Variants in TNKS2 observed in about 807,000 individuals in gnomAD.
TNKS2 encodes the protein tankyrase 2.
Under a neutral mutation model 137.6 loss-of-function variants are expected in TNKS2, and 72 were observed. That is an observed-to-expected ratio of 0.52 (90% CI 0.43 to 0.64). The LOEUF (loss-of-function observed/expected upper bound fraction) is 0.64. TNKS2 is among the 30% of genes least tolerant of loss of function. The pLI is 0.00. For missense variants in TNKS2, 1,049 were observed against 1,410.2 expected (o/e 0.74, Z 4.10); for synonymous variants, 516 against 512.1 (o/e 1.01, Z -0.10).
Position 91,848,367 on chromosome 10 carries a change from C to T in TNKS2, c.2359-16C>T. On this transcript the variant is annotated splice_polypyrimidine_tract_variant and intron_variant, in intron 18 of 26. Coordinates refer to ENST00000371627, the MANE Select transcript of TNKS2 (RefSeq NM_025235.4). Reference sequence around the variant, plus strand: ...AACTTGCTTATGGCAGATGTTGTCTCTGACACGTACCCTAGGCGGATGATG... The same window carrying T: ...AACTTGCTTATGGCAGATGTTGTCTTTGACACGTACCCTAGGCGGATGATG... The T allele has an allele frequency of 6.2e-7, 1 of 1,607,156 alleles. No homozygotes were observed. The highest frequency in any genetic ancestry group is 8.5e-7 in the Non-Finnish European group (1 of 1,176,468).
chr10:91,802,403 T>A (rs1044735091), intron 1 of TNKS2, among the ~76,000 whole-genome samples: 2 of 151,966 alleles, frequency 1.3e-5, no homozygotes, highest in African/African-American at 4.8e-5. Flanking sequence ...GCTTTGGGAG[T>A]CAAAACTAAG....
At chr10:91,840,470 C>T (rs1228125245) in intron 13 of TNKS2, 91 bp from the exon 14 acceptor site, 3 of 1,165,152 alleles carry the variant, frequency 2.6e-6, no homozygotes, top group East Asian at 4.9e-5. Context: ...GAAAATAAGT[C>T]AGACACTTTG....
At position 91,859,612 on chromosome 10, in the gene TNKS2, C is replaced by G; in HGVS notation, c.3245C>G (p.Pro1082Arg). 6.2e-7 allele frequency: 1 copy of G among 1,612,804 alleles called. No homozygotes were observed. Among genetic ancestry groups the G allele is most frequent in the Non-Finnish European group, 8.5e-7 (1 of 1,179,598 alleles). Reference sequence around the variant, plus strand: ...GGAATTGGAGGAGGTACTGGGTGTCCAGTTCACAAAGACAGATCTTGTTAC... The same window carrying G: ...GGAATTGGAGGAGGTACTGGGTGTCGAGTTCACAAAGACAGATCTTGTTAC... ...VYGIGGGTGC[P>R]VHKDRSCYIC... The change falls in exon 25 of 27, where the codon CCA becomes CGA. Residue 1082 changes from proline to arginine, a missense_variant. Pro to Arg is a moderately radical substitution (Grantham distance 103, BLOSUM62 -2). Around this residue, in one of 6 missense-constraint regions of TNKS2, gnomAD observed 133 missense variants for 248.4 expected, o/e 0.54. Transcript: ENST00000371627.
intron 1 of TNKS2, among the ~76,000 whole-genome samples, chr10:91,804,404 CTG>C (rs917269373): frequency 4.6e-5 from 7 of 152,184 alleles, no homozygotes; most frequent in Non-Finnish European, 2.9e-5. Context: ...GATTCATACT[CTG>C]TGTATGGTTT....
chr10:91,862,988 G>A lies in TNKS2; in HGVS notation c.3490G>A (p.Val1164Ile). The stretch of plus-strand genomic sequence containing the variant: ...CCAGATTATGAGGCCTGAAGGTATG[G>A]TCGATGGATAAATAGTTATTTTAAG... Reference protein sequence around the residue: ...TYQIMRPEGMVDG With the variant: ...TYQIMRPEGMIDG The change falls in exon 27 of 27, where the codon GTC becomes ATC. Residue 1164 changes from valine to isoleucine, a missense_variant. By Grantham distance (29) the Val-to-Ile change is conservative. Around this residue, in one of 6 missense-constraint regions of TNKS2, gnomAD observed 133 missense variants for 248.4 expected, o/e 0.54. Transcript: ENST00000371627. The A allele has an allele frequency of 6.2e-7, 1 of 1,603,374 alleles. No homozygotes were observed. Among genetic ancestry groups the A allele is most frequent in the Non-Finnish European group, 8.5e-7 (1 of 1,172,190 alleles).
intron 1 of TNKS2, chr10:91,807,067 A>G (rs1844345269): frequency 1.5e-6 from 2 of 1,338,288 alleles, no homozygotes; most frequent in Non-Finnish European, 2.1e-6. Flanking sequence ...ATGACCTCTA[A>G]GCTTCTGAAC....
intron 13 of TNKS2, among the ~76,000 whole-genome samples, chr10:91,837,689 GTCTCTAC>G (rs773941869): frequency 6.6e-6 from 1 of 152,140 alleles, no homozygotes; most frequent in Non-Finnish European, 1.5e-5. Context: ...GCGAAACCCC[GTCTCTAC>G]TAAAGACACA....
At chr10:91,837,771 A>G (rs1341331192) in intron 13 of TNKS2, among the ~76,000 whole-genome samples, 1 of 152,224 alleles carries the variant, frequency 6.6e-6, no homozygotes, top group Admixed American at 6.5e-5. Context: ...GAGACAGTAT[A>G]GACATCTCAG....
intron 7 of TNKS2, among the ~76,000 whole-genome samples, chr10:91,824,509 G>A (rs1845004185): frequency 6.6e-6 from 1 of 152,188 alleles, no homozygotes; most frequent in African/African-American, 2.4e-5. Context: ...GAAAAATTAT[G>A]TCAGATAGAT....
chr10:91,840,839 C>T, intron 14 of TNKS2, 133 bp downstream of exon 14: 1 of 835,436 alleles, frequency 1.2e-6, no homozygotes, highest in East Asian at 2.7e-5. Flanking sequence ...TTAAATAGAG[C>T]TTCTTAATTT....
At chr10:91,829,968 T>C (rs961266975) in intron 9 of TNKS2, among the ~76,000 whole-genome samples, 1 of 152,198 alleles carries the variant, frequency 6.6e-6, no homozygotes, top group Admixed American at 6.5e-5. Context: ...TGTGCAGATA[T>C]TAGGCTTAGG....
chr10:91,837,971 T>G (rs1041399285), intron 13 of TNKS2, among the ~76,000 whole-genome samples: 3 of 150,564 alleles, frequency 2.0e-5, no homozygotes, highest in Non-Finnish European at 3.0e-5. Context: ...ATTACTTCAG[T>G]TAAAAGGTTG....
chr10:91,801,480 CT>C (rs34491076), intron 1 of TNKS2, among the ~76,000 whole-genome samples: 20 of 147,536 alleles, frequency 1.4e-4, no homozygotes, highest in Non-Finnish European at 1.5e-4. Flanking sequence ...AGGAATTTTT[CT>C]TTTTTTTTTT....
At chr10:91,846,849 A>C (rs187252668) in intron 18 of TNKS2, among the ~76,000 whole-genome samples, 3 of 152,186 alleles carry the variant, frequency 2.0e-5, no homozygotes, top group Non-Finnish European at 4.4e-5. Flanking sequence ...CATTCCACCC[A>C]TATGTTAGTT....
At chr10:91,851,093 T>G in intron 20 of TNKS2, 123 bp from the exon 21 acceptor site, 1 of 1,297,356 alleles carries the variant, frequency 7.7e-7, no homozygotes, top group Non-Finnish European at 1.0e-6. Context: ...GGAAATAATA[T>G]TTTTAGAAAT....
intron 24 of TNKS2, among the ~76,000 whole-genome samples, chr10:91,858,132 C>T (rs924050434): frequency 1.3e-5 from 2 of 152,166 alleles, no homozygotes; most frequent in Non-Finnish European, 2.9e-5. Context: ...ATGAGGGCTT[C>T]AAGTACATTA....
At chr10:91,828,054 C>T (rs1428771003) in intron 8 of TNKS2, among the ~76,000 whole-genome samples, 1 of 152,144 alleles carries the variant, frequency 6.6e-6, no homozygotes, top group Non-Finnish European at 1.5e-5. Context: ...TGGGCTAAAC[C>T]TGTGTATACT....
rs1564597305 is a variant in TNKS2, at chr10:91,798,498, G to GGC, written c.-192_-191insCG. The GGC allele has an allele frequency of 1.9e-6, 1 of 532,442 alleles. No homozygotes were observed. Among genetic ancestry groups the GGC allele is most frequent in the African/African-American group, 2.0e-5 (1 of 49,968 alleles). The allele number at this position is 532,442 out of a possible 1,614,324, so 33.0% of individuals were successfully genotyped here. On this transcript the variant is annotated 5_prime_UTR_variant, in exon 1 of 27. Coordinates refer to ENST00000371627, the MANE Select transcript of TNKS2 (RefSeq NM_025235.4). ...TGCCTCCGCCGCCGCGGGGCAGCCG[G>GGC]GGGGCAGGGAGCCCAGCGAGGGGCG...
chr10:91,848,492 A>G lies in TNKS2; in HGVS notation c.2468A>G (p.Asp823Gly), dbSNP rs1322734084. 6.2e-7 allele frequency: 1 copy of G among 1,614,104 alleles called. No homozygotes were observed. Among genetic ancestry groups the G allele is most frequent in the South Asian group, 1.1e-5 (1 of 91,076 alleles). The part of the protein sequence containing the change: ...NGVRSPGATA[D>G]ALSSGPSSPS... ...GTGAGAAGCCCAGGAGCCACTGCAG[A>G]TGCTCTCTCTTCAGGTCCATCTAGC... Residue 823 changes from aspartate (D) to glycine (G), a missense_variant, in exon 19 of 27, where the codon GAT becomes GGT. By Grantham distance (94) the Asp-to-Gly change is moderately conservative (BLOSUM62 -1). Transcript: ENST00000371627.
Sources: gnomAD v4.1 joint callset for allele counts (sites outside exome capture counted in the v4.1 genomes callset) on GRCh38, gnomAD v4.1.1 for gene constraint, gnomAD v4.1.1 regional missense constraint, MANE v1.5 for transcripts, NCBI Gene and HGNC (gene_info 2026-07-23, HGNC 2026-07-21) for gene names.